CAT: variants seen among roughly 807,000 people sequenced by gnomAD.
CAT encodes catalase.
Under a neutral mutation model 59.0 loss-of-function variants are expected in CAT, and 43 were observed. The observed-to-expected ratio is 0.73, with a 90% CI of 0.57 to 0.94. The LOEUF (loss-of-function observed/expected upper bound fraction) is 0.94, where lower values mean the gene tolerates loss of function less well. Ranked by LOEUF, CAT falls within the 40% of genes least tolerant of loss-of-function variation. The probability of loss-of-function intolerance (pLI) is 0.00; values close to 1 mark genes in which losing one functional copy is unlikely to be tolerated. For synonymous variants in CAT, 218 were observed against 230.9 expected (o/e 0.94, Z 0.51); for missense variants, 664 against 682.9 (o/e 0.97, Z 0.31).
rs1856772785 is a variant in CAT, at chr11:34,471,496, G to T, written c.*63G>T. On this transcript the variant is annotated 3_prime_UTR_variant, in exon 13 of 13. Coordinates refer to ENST00000241052, the MANE Select transcript of CAT (RefSeq NM_001752.4). Reference sequence around the variant, plus strand: ...TCATCCGTGTAACCCGCTCATCACTGGATGAAGATTCTCCTGTGCTAGATG... The same window carrying T: ...TCATCCGTGTAACCCGCTCATCACTTGATGAAGATTCTCCTGTGCTAGATG... 3 of 1,374,366 alleles carry T rather than the reference G, an allele frequency of 2.2e-6. No individual in the cohort carries two copies. The Admixed American group carries it at 5.0e-5, about 23-fold the overall frequency. The allele number at this position is 1,374,366 out of a possible 1,614,324, so 85.1% of individuals were successfully genotyped here.
At chr11:34,444,284 C>G (rs1299481263) in intron 1 of CAT, among the ~76,000 whole-genome samples, 1 of 152,054 alleles carries the variant, frequency 6.6e-6, no homozygotes, top group Non-Finnish European at 1.5e-5. Flanking sequence ...GGTTGTTTGA[C>G]CTCAGGGCAG....
intron 1 of CAT, among the ~76,000 whole-genome samples, chr11:34,446,705 G>A (rs1034381976): frequency 6.6e-6 from 1 of 151,694 alleles, no homozygotes; most frequent in African/African-American, 2.4e-5. Context: ...GAGCTTCTTG[G>A]TATCTTTTCT....
intron 1 of CAT, among the ~76,000 whole-genome samples, chr11:34,442,804 G>T (rs1038945035): frequency 6.6e-6 from 1 of 152,110 alleles, no homozygotes; most frequent in Non-Finnish European, 1.5e-5. Context: ...GGGTATATGA[G>T]TGTGGGAAGG....
chr11:34,440,737 A>T (rs984205425), intron 1 of CAT, among the ~76,000 whole-genome samples: 3 of 151,750 alleles, frequency 2.0e-5, no homozygotes, highest in African/African-American at 7.3e-5. Flanking sequence ...TAATTTTTGT[A>T]TTTTTAGTAG....
intron 3 of CAT, 58 bp downstream of exon 3, chr11:34,451,156 T>C: frequency 4.0e-6 from 4 of 998,068 alleles, no homozygotes; most frequent in Non-Finnish European, 6.5e-6. Context: ...CTTTTGGGGA[T>C]GTTTATAACT....
rs142811338 is a variant in CAT, at chr11:34,449,349, A to G, written c.224A>G (p.His75Arg). ...GAGAGAATTCCTGAGAGAGTTGTGC[A>G]TGCTAAAGGAGCAGGTAAGTGCTGT... ...DRERIPERVV[H>R]AKGAGAFGYF... The change falls in exon 2 of 13, where the codon CAT (histidine) becomes CGT (arginine). Residue 75 changes from histidine (H) to arginine (R), a missense_variant. Physicochemically the swap from His to Arg is conservative, Grantham distance 29 (BLOSUM62 0). Coordinates refer to ENST00000241052, the MANE Select transcript of CAT (RefSeq NM_001752.4). 1.6e-5 allele frequency: 26 copies of G among 1,613,962 alleles called. No homozygotes were observed. Among genetic ancestry groups the G allele is most frequent in the Non-Finnish European group, 2.0e-5 (24 of 1,179,908 alleles).
chr11:34,463,874 C>T (rs141278239), intron 9 of CAT, among the ~76,000 whole-genome samples: 2 of 152,276 alleles, frequency 1.3e-5, no homozygotes, highest in Non-Finnish European at 2.9e-5. Context: ...TCATAAAGTG[C>T]GGCAGCCTGT....
chr11:34,455,295 C>G (rs956622483), intron 6 of CAT, among the ~76,000 whole-genome samples: 2 of 152,084 alleles, frequency 1.3e-5, no homozygotes, highest in Non-Finnish European at 2.9e-5. Flanking sequence ...GGAAATCTTT[C>G]TGCGGCACTT....
chr11:34,469,231 G>C (rs957954170), intron 11 of CAT, among the ~76,000 whole-genome samples: 4 of 152,304 alleles, frequency 2.6e-5, no homozygotes, highest in Middle Eastern at 3.4e-3. Context: ...GCTAGCAGCT[G>C]TCTGGGCTGT....
chr11:34,449,374 T>C lies in CAT; in HGVS notation c.238+11T>C. 2 of 1,612,392 alleles carry C rather than the reference T, an allele frequency of 1.2e-6. No homozygotes were observed. Among genetic ancestry groups the C allele is most frequent in the Non-Finnish European group, 1.7e-6 (2 of 1,178,506 alleles). ...ATGCTAAAGGAGCAGGTAAGTGCTG[T>C]GTTTATTTGCTGTAAAAAGATTGTT... On this transcript the variant is annotated intron_variant, in intron 2 of 12. Transcript: ENST00000241052.
At chr11:34,448,122 G>A (rs1409067436) in intron 1 of CAT, among the ~76,000 whole-genome samples, 1 of 152,176 alleles carries the variant, frequency 6.6e-6, no homozygotes, top group Non-Finnish European at 1.5e-5. Flanking sequence ...ACTCCCCACC[G>A]TATTGCCTTC....
chr11:34,439,832 C>A (rs575763346), intron 1 of CAT, among the ~76,000 whole-genome samples: 1 of 152,258 alleles, frequency 6.6e-6, no homozygotes, highest in Non-Finnish European at 1.5e-5. Context: ...TGATTACACT[C>A]CAGCGTGGTG....
intron 9 of CAT, among the ~76,000 whole-genome samples, chr11:34,462,038 T>G (rs1168667388): frequency 6.6e-6 from 1 of 152,232 alleles, no homozygotes; most frequent in East Asian, 1.9e-4. Context: ...ATCTTTTTCT[T>G]TTAACTACTT....
chr11:34,448,557 T>C (rs1470511127), intron 1 of CAT, among the ~76,000 whole-genome samples: 1 of 152,212 alleles, frequency 6.6e-6, no homozygotes, highest in Non-Finnish European at 1.5e-5. Context: ...TACAGTAAAA[T>C]AACCTATCCC....
chr11:34,465,539 C>T (rs1225356904), intron 10 of CAT, among the ~76,000 whole-genome samples: 1 of 152,084 alleles, frequency 6.6e-6, no homozygotes, highest in African/African-American at 2.4e-5. Context: ...TCATACAACC[C>T]CTGCAAAAAT....
At chr11:34,442,872 C>T (rs1400575836) in intron 1 of CAT, among the ~76,000 whole-genome samples, 9 of 152,168 alleles carry the variant, frequency 5.9e-5, no homozygotes, top group African/African-American at 2.2e-4. Context: ...TGTTACAGGC[C>T]ACACCTGGGG....
chr11:34,468,260 C>G, intron 10 of CAT, 28 bp from the exon 11 acceptor site: 1 of 1,511,544 alleles, frequency 6.6e-7, no homozygotes, highest in Non-Finnish European at 9.2e-7. Context: ...TGATTCAATT[C>G]TCTGCACTTG....
chr11:34,454,064 C>A, intron 6 of CAT, 138 bp downstream of exon 6: 1 of 857,002 alleles, frequency 1.2e-6, no homozygotes, highest in Admixed American at 2.2e-5. Flanking sequence ...GTATTGATCT[C>A]ATTGATCAGT....
chr11:34,454,557 ATC>A (rs1400659372), intron 6 of CAT, among the ~76,000 whole-genome samples: 1 of 152,110 alleles, frequency 6.6e-6, no homozygotes, highest in Non-Finnish European at 1.5e-5. Flanking sequence ...GTACTGGATA[ATC>A]TCTCTCTTAG....
Sources: gnomAD v4.1 joint callset for allele counts (sites outside exome capture counted in the v4.1 genomes callset) on GRCh38, gnomAD v4.1.1 for gene constraint, MANE v1.5 for transcripts, NCBI Gene and HGNC (gene_info 2026-07-23, HGNC 2026-07-21) for gene names.